The following DNAH9 variants were observed in gnomAD, a reference collection of about 807,000 sequenced individuals.
DNAH9 encodes the protein DNAH9 variant protein.
A neutral mutation model predicts 471.6 loss-of-function variants in DNAH9; 345 were observed. The ratio of observed to expected loss-of-function variants is 0.73; its 90% CI spans 0.67 to 0.80. DNAH9 has a LOEUF of 0.80. Ranked by LOEUF, DNAH9 falls within the 30% of genes least tolerant of loss-of-function variation. The pLI is 0.00. For missense variants in DNAH9, 5,407 were observed against 5,609.2 expected, an observed-to-expected ratio of 0.96 and a Z score of 1.15; for synonymous variants, 2,093 against 2,123.6, an observed-to-expected ratio of 0.99 and a Z score of 0.40.
chr17:11,864,956 T>C (rs1971989768), intron 50 of DNAH9, among the ~76,000 whole-genome samples: 1 of 152,236 alleles, frequency 6.6e-6, no homozygotes, highest in Admixed American at 6.5e-5. Context: ...AACACACTGA[T>C]AGGTCTTGAC....
At chr17:11,842,416 T>C (rs1971064816) in intron 49 of DNAH9, among the ~76,000 whole-genome samples, 1 of 152,220 alleles carries the variant, frequency 6.6e-6, no homozygotes, top group African/African-American at 2.4e-5. Flanking sequence ...ACAGAACTAA[T>C]AGGATAGATG....
intron 14 of DNAH9, among the ~76,000 whole-genome samples, chr17:11,662,138 AC>A (rs1253843529): frequency 1.3e-5 from 2 of 152,036 alleles, no homozygotes; most frequent in East Asian, 3.9e-4. Flanking sequence ...ATTATCACCT[AC>A]CCTCCAATGT....
chr17:11,783,587 A>T, intron 39 of DNAH9, 59 bp from the exon 40 acceptor site: 1 of 1,376,506 alleles, frequency 7.3e-7, no homozygotes, highest in Non-Finnish European at 1.0e-6. Context: ...CACCTTGACA[A>T]AGCACTCACC....
intron 22 of DNAH9, among the ~76,000 whole-genome samples, chr17:11,698,177 T>TAATAATATTAATAATATATTA (rs1365873498): frequency 8.7e-6 from 1 of 115,230 alleles, no homozygotes; most frequent in Non-Finnish European, 1.6e-5. Context: ...TATATTAATA[T>TAATAATATTAATAATATATTA]ATTATTATAT....
chr17:11,722,698 A>T (rs576962372), intron 27 of DNAH9, among the ~76,000 whole-genome samples: 4 of 152,212 alleles, frequency 2.6e-5, no homozygotes, highest in Admixed American at 6.5e-5. Context: ...AGGACAGGAG[A>T]ACAGCGCAAA....
Position 11,871,900 on chromosome 17 carries a change from C to T in DNAH9, c.10242+114C>T, listed in dbSNP as rs545922936. On this transcript the variant is annotated intron_variant, in intron 52 of 68. Transcript: ENST00000262442. ...CCTCCTGCACACTCATCCCCACCAC[C>T]CCCTGAGCACCAGGTGTGAAACCTG... The T allele has an allele frequency of 5.3e-6, 6 of 1,122,032 alleles. No individual in the cohort carries two copies. In the Admixed American group the frequency reaches 6.4e-5, roughly 12 times the overall value. The allele number at this position is 1,122,032 out of a possible 1,614,324, so 69.5% of individuals were successfully genotyped here.
chr17:11,635,353 T>G (rs1463000648), intron 8 of DNAH9, among the ~76,000 whole-genome samples: 5 of 135,298 alleles, frequency 3.7e-5, no homozygotes, highest in African/African-American at 1.1e-4. Context: ...TTTTTTTTTT[T>G]TTTTTTTTAG....
intron 17 of DNAH9, among the ~76,000 whole-genome samples, chr17:11,670,211 ACT>A (rs1287135094): frequency 6.6e-6 from 1 of 151,734 alleles, no homozygotes; most frequent in African/African-American, 2.4e-5. Context: ...TGTCACTAAA[ACT>A]CTGTGCTCCT....
At chr17:11,699,227 C>T (rs546966873) in intron 22 of DNAH9, among the ~76,000 whole-genome samples, 14 of 151,948 alleles carry the variant, frequency 9.2e-5, no homozygotes, top group African/African-American at 2.2e-4. Context: ...CCAGCCTGGG[C>T]GACAGAGCCA....
chr17:11,939,451 C>G (rs920756322), intron 66 of DNAH9, among the ~76,000 whole-genome samples: 8 of 152,210 alleles, frequency 5.3e-5, no homozygotes, highest in African/African-American at 1.9e-4. Context: ...ACTGTGATCA[C>G]TTGCCATGCA....
intron 59 of DNAH9, among the ~76,000 whole-genome samples, chr17:11,901,152 T>C (rs1480630734): frequency 6.6e-6 from 1 of 152,116 alleles, no homozygotes. Flanking sequence ...GGTGAGGGTG[T>C]CTGTGCATGG....
chr17:11,633,625 C>T (rs1314541058), intron 8 of DNAH9, among the ~76,000 whole-genome samples: 1 of 152,116 alleles, frequency 6.6e-6, no homozygotes, highest in East Asian at 1.9e-4. Flanking sequence ...TTTGAGATTC[C>T]CCTCTCCAAG....
chr17:11,900,306 A>C (rs1597804127), intron 59 of DNAH9, among the ~76,000 whole-genome samples: 1 of 151,942 alleles, frequency 6.6e-6, no homozygotes, highest in Admixed American at 6.6e-5. Flanking sequence ...CATGTGAAGG[A>C]ATATGTAAAG....
At chr17:11,768,647 G>A (rs772906715) in intron 37 of DNAH9, 21 bp downstream of exon 37, 42 of 1,608,864 alleles carry the variant, frequency 2.6e-5, no homozygotes, top group African/African-American at 6.7e-5. Context: ...CTGAGCAGCC[G>A]AGGACGTGCG....
chr17:11,684,463 C>T (rs556766941), intron 19 of DNAH9, among the ~76,000 whole-genome samples: 1 of 152,198 alleles, frequency 6.6e-6, no homozygotes, highest in South Asian at 2.1e-4. Context: ...TTGTGCAACT[C>T]TTAAAGCTGG....
intron 39 of DNAH9, 79 bp from the exon 40 acceptor site, chr17:11,783,567 C>T: frequency 3.9e-6 from 4 of 1,033,128 alleles, no homozygotes; most frequent in South Asian, 2.8e-5. Context: ...CAGTAGGGCA[C>T]ATCCTACCGC....
chr17:11,792,143 G>T (rs1185001910), intron 41 of DNAH9, among the ~76,000 whole-genome samples: 1 of 152,018 alleles, frequency 6.6e-6, no homozygotes. Context: ...GCATGGTGGC[G>T]CATGCCTGCA....
chr17:11,643,423 CAT>C lies in DNAH9; in HGVS notation c.1902-1203_1902-1202del, dbSNP rs201582398. Among the ~76,000 whole-genome samples the C allele has an allele frequency of 9.0e-3, 1,363 of 152,174 alleles. 25 individuals are homozygous for C. The highest frequency in any genetic ancestry group is 0.031 in the African/African-American group (1,271 of 41,500). On this transcript the variant is annotated intron_variant, in intron 10 of 68. Transcript: ENST00000262442. ...TAGATGGATTTCAGAAAAGGGGAAA[CAT>C]ATATTTAAATATATAAAAAACATGT...
intron 50 of DNAH9, among the ~76,000 whole-genome samples, chr17:11,866,014 A>G (rs911423450): frequency 2.0e-5 from 3 of 151,932 alleles, no homozygotes; most frequent in Non-Finnish European, 4.4e-5. Context: ...TCTTCTCTCA[A>G]CTCGTCAAAG....
Sources: allele counts gnomAD v4.1 joint callset (sites outside exome capture counted in the v4.1 genomes callset), GRCh38; gene constraint gnomAD v4.1.1; transcripts MANE v1.5; gene names NCBI Gene and HGNC (gene_info 2026-07-23, HGNC 2026-07-21).